The following TEKTL1 variants were observed in gnomAD, a reference collection of about 807,000 sequenced individuals.
TEKTL1 encodes the protein tektin like 1.
chr19:15,018,795 T>C, the TEKTL1 span, among the ~76,000 whole-genome samples: 1 of 144,610 alleles, frequency 6.9e-6, no homozygotes, highest in Non-Finnish European at 1.5e-5. Context: ...GTAAGCAGAA[T>C]TGCCTGACCC....
At chr19:15,011,129 C>CCGCCCGCCTGGTA in the TEKTL1 span, 1 of 1,533,516 alleles carries the variant, frequency 6.5e-7, no homozygotes, top group African/African-American at 1.4e-5. Context: ...CAAGATGAAG[C>CCGCCCGCCTGGTA]CGCCCGCCTG....
At chr19:15,012,148 C>T in the TEKTL1 span, among the ~76,000 whole-genome samples, 39 of 151,914 alleles carry the variant, frequency 2.6e-4, no homozygotes, top group African/African-American at 8.9e-4. Context: ...ATGGTCCCAG[C>T]TACTTGGAGG....
At chr19:15,011,568 C>G in the TEKTL1 span, among the ~76,000 whole-genome samples, 2 of 152,024 alleles carry the variant, frequency 1.3e-5, no homozygotes, top group African/African-American at 4.8e-5. Flanking sequence ...ACCCCCGTCT[C>G]TACTAAAAAT....
the TEKTL1 span, chr19:15,013,810 G>A: frequency 2.8e-6 from 4 of 1,429,096 alleles, no homozygotes; most frequent in Non-Finnish European, 3.9e-6. Flanking sequence ...TACGGGGGCT[G>A]GAGGGGGATC....
chr19:15,017,948 A>G, the TEKTL1 span, among the ~76,000 whole-genome samples: 2 of 151,990 alleles, frequency 1.3e-5, no homozygotes, highest in Non-Finnish European at 2.9e-5. Flanking sequence ...TAATTCCAAT[A>G]CTTTGGGAGG....
the TEKTL1 span, chr19:15,013,924 T>G: frequency 1.6e-6 from 1 of 612,552 alleles, no homozygotes; most frequent in Non-Finnish European, 2.9e-6. Context: ...CTTTGTGAAA[T>G]GGAAAAAGGG....
the TEKTL1 span, among the ~76,000 whole-genome samples, chr19:15,016,330 C>T: frequency 6.6e-6 from 1 of 151,584 alleles, no homozygotes; most frequent in Admixed American, 6.6e-5. Context: ...GCTGGGATTA[C>T]AGGTGCCTGC....
chr19:15,020,592 A>T, the TEKTL1 span: 1 of 1,613,880 alleles, frequency 6.2e-7, no homozygotes, highest in Non-Finnish European at 8.5e-7. Context: ...ACCTCTCCCG[A>T]GCCCCCACTC....
At chr19:15,021,571 C>A in the TEKTL1 span, 1 of 1,613,324 alleles carries the variant, frequency 6.2e-7, no homozygotes. Flanking sequence ...GGAGGAGACG[C>A]GGACTGGGAG....
At chr19:15,023,079 G>T in the TEKTL1 span, 1 of 1,608,562 alleles carries the variant, frequency 6.2e-7, no homozygotes, top group East Asian at 2.2e-5. Context: ...TGGGACCCGC[G>T]CACGCCGCCG....
the TEKTL1 span, among the ~76,000 whole-genome samples, chr19:15,020,966 G>A: frequency 2.7e-5 from 4 of 149,340 alleles, no homozygotes; most frequent in Non-Finnish European, 3.0e-5. Flanking sequence ...TGCAACCTCC[G>A]CCTCCCAGGT....
the TEKTL1 span, chr19:15,020,664 G>A: frequency 1.3e-5 from 21 of 1,611,204 alleles, no homozygotes; most frequent in Admixed American, 1.0e-4. Context: ...ACCCAGGTAG[G>A]AGTCCACTGT....
At chr19:15,020,744 C>A in the TEKTL1 span, 1 of 1,184,062 alleles carries the variant, frequency 8.4e-7, no homozygotes, top group South Asian at 1.4e-5. Context: ...CTTAGCTGTC[C>A]CTTTCCTGGG....
the TEKTL1 span, chr19:15,022,732 T>TC: frequency 2.5e-4 from 223 of 884,110 alleles, no homozygotes; most frequent in Middle Eastern, 1.3e-3. Context: ...GTTTTTTTTT[T>TC]TTCCAGGCAC....
the TEKTL1 span, among the ~76,000 whole-genome samples, chr19:15,012,475 T>G: frequency 2.0e-5 from 3 of 152,044 alleles, 1 homozygote; most frequent in African/African-American, 7.2e-5. Context: ...TGAAGCAGGA[T>G]TGTTTGAGCT....
chr19:15,011,288 C>A, the TEKTL1 span: 1 of 1,523,516 alleles, frequency 6.6e-7, no homozygotes, highest in Non-Finnish European at 8.8e-7. Flanking sequence ...GCGACAGCTG[C>A]TGCGCCAGCG....
chr19:15,018,539 T>C, the TEKTL1 span, among the ~76,000 whole-genome samples: 1 of 149,564 alleles, frequency 6.7e-6, no homozygotes, highest in Non-Finnish European at 1.5e-5. Context: ...TAAGACCGCG[T>C]CCCTACAAAA....
chr19:15,012,235 TG>T, the TEKTL1 span, among the ~76,000 whole-genome samples: 1 of 151,830 alleles, frequency 6.6e-6, no homozygotes, highest in Admixed American at 6.6e-5. Context: ...CAAACCAGCA[TG>T]GGCAACACAG....
chr19:15,022,900 G>A, the TEKTL1 span: 9 of 1,601,062 alleles, frequency 5.6e-6, no homozygotes, highest in Middle Eastern at 3.3e-4. Context: ...GCCACATCAC[G>A]TACCTGGAAA....
Sources: gnomAD v4.1 joint callset for allele counts (sites outside exome capture counted in the v4.1 genomes callset) on GRCh38, gnomAD v4.1.1 for gene constraint, MANE v1.5 for transcripts, NCBI Gene and HGNC (gene_info 2026-07-23, HGNC 2026-07-21) for gene names.